DOCK3: variants seen among roughly 807,000 people sequenced by gnomAD.
DOCK3 encodes the protein dedicator of cytokinesis protein 3.
Under a neutral mutation model 265.6 loss-of-function variants are expected in DOCK3, and 60 were observed. That is an observed-to-expected ratio of 0.23 (90% CI 0.18 to 0.28). DOCK3 has a LOEUF of 0.28. Among genes scored for constraint, DOCK3 ranks in the 10% least tolerant of loss-of-function variants. The pLI, the probability that DOCK3 is intolerant of heterozygous loss-of-function variation, is 1.00. For missense variants in DOCK3, 1,981 were observed against 2,594.3 expected (o/e 0.76, Z 5.14); for synonymous variants, 881 against 938.0 (o/e 0.94, Z 1.11).
chr3:51,338,795 C>A, intron 36 of DOCK3, 140 bp from the exon 37 acceptor site: 2 of 714,036 alleles, frequency 2.8e-6, no homozygotes, highest in Non-Finnish European at 2.4e-6. Context: ...CTGGCTGGTG[C>A]TTTCTCCTTC....
rs2037969151 is a variant in DOCK3, at chr3:50,728,374, C to T, written c.38-50301C>T. 1.3e-5 allele frequency among the ~76,000 whole-genome samples: 2 copies of T among 151,900 alleles called. 1 individual carries two copies. Among genetic ancestry groups the T allele is most frequent in the African/African-American group, 4.8e-5 (2 of 41,352 alleles). On this transcript the variant is annotated intron_variant, in intron 1 of 52. Transcript: ENST00000266037. ...TGTTAGAAGGAAAGAAAAACTTAAA[C>T]AATCTAAGCTACCCACAAGAGAAAC...
chr3:51,329,700 G>A (rs1393511813), intron 32 of DOCK3, among the ~76,000 whole-genome samples: 1 of 152,170 alleles, frequency 6.6e-6, no homozygotes. Flanking sequence ...TTAGAGTGAG[G>A]ACAAGCTCCC....
At chr3:51,234,081 A>G (rs2078253379) in intron 19 of DOCK3, among the ~76,000 whole-genome samples, 1 of 152,186 alleles carries the variant, frequency 6.6e-6, no homozygotes, top group African/African-American at 2.4e-5. Flanking sequence ...GTTTTCCATA[A>G]TGGCTGTATT....
chr3:50,884,338 G>A (rs1316220564), intron 3 of DOCK3, among the ~76,000 whole-genome samples: 4 of 152,128 alleles, frequency 2.6e-5, no homozygotes, highest in African/African-American at 7.2e-5. Flanking sequence ...TGATTTGCCC[G>A]CCTTGGCCTC....
intron 7 of DOCK3, among the ~76,000 whole-genome samples, chr3:51,081,003 G>GCC (rs1296031471): frequency 1.1e-4 from 17 of 151,444 alleles, no homozygotes; most frequent in Non-Finnish European, 5.9e-5. Context: ...GTGGAGACTT[G>GCC]ATTTTTATAT....
chr3:51,362,800 T>C (rs970099879), intron 49 of DOCK3, 126 bp downstream of exon 49: 51 of 1,370,048 alleles, frequency 3.7e-5, no homozygotes, highest in Non-Finnish European at 4.8e-5. Context: ...TCATTTGTGC[T>C]TTTACCACTA....
chr3:51,287,531 A>G (rs1040730872), intron 27 of DOCK3, among the ~76,000 whole-genome samples: 14 of 152,246 alleles, frequency 9.2e-5, no homozygotes, highest in African/African-American at 2.9e-4. Context: ...CGTGGGTGAC[A>G]GGAAAAGACC....
intron 2 of DOCK3, among the ~76,000 whole-genome samples, chr3:50,823,059 C>A (rs2044538393): frequency 6.6e-6 from 1 of 151,560 alleles, no homozygotes; most frequent in South Asian, 2.1e-4. Flanking sequence ...AAATACTTAA[C>A]ACTATTACTT....
At chr3:50,680,401 A>G (rs894577762) in intron 1 of DOCK3, among the ~76,000 whole-genome samples, 1 of 150,462 alleles carries the variant, frequency 6.6e-6, no homozygotes, top group African/African-American at 2.4e-5. Context: ...TTTAGTAGAG[A>G]CGGGGTTTCA....
chr3:50,969,728 T>G (rs1003057080), intron 5 of DOCK3, among the ~76,000 whole-genome samples: 1 of 152,220 alleles, frequency 6.6e-6, no homozygotes, highest in Non-Finnish European at 1.5e-5. Flanking sequence ...TCATTCATGA[T>G]GAAACTTAGT....
At chr3:51,016,960 T>TGA (rs1553734355) in intron 5 of DOCK3, among the ~76,000 whole-genome samples, 3 of 106,904 alleles carry the variant, frequency 2.8e-5, no homozygotes, top group Non-Finnish European at 5.4e-5. Flanking sequence ...AATATATATA[T>TGA]TATATATATA....
chr3:50,784,015 C>T (rs996175619), intron 2 of DOCK3, among the ~76,000 whole-genome samples: 3 of 151,982 alleles, frequency 2.0e-5, no homozygotes, highest in Non-Finnish European at 4.4e-5. Context: ...TTACAGGTGC[C>T]TGCCACCACG....
chr3:51,381,409 C>T lies in DOCK3; in HGVS notation c.5943C>T (p.Arg1981=). The T allele has an allele frequency of 1.2e-6, 2 of 1,612,328 alleles. No individual in the cohort carries two copies. Among genetic ancestry groups the T allele is most frequent in the Non-Finnish European group, 1.7e-6 (2 of 1,179,638 alleles). ...TGCCGCCCAAGCCCTACCACCCCCGCCTGCCGGCCCTGGAGCACGATGAGG... is the reference window on the plus strand; with the variant it reads ...TGCCGCCCAAGCCCTACCACCCCCGTCTGCCGGCCCTGGAGCACGATGAGG... ...PALPPKPYHP[R]LPALEHDEGV... is the part of the protein sequence containing the mutation. The change falls in exon 53 of 53, where the codon CGC becomes CGT. Residue 1981 remains arginine (R), a synonymous_variant. Coordinates refer to ENST00000266037, the MANE Select transcript of DOCK3 (RefSeq NM_004947.5). The surrounding 1 kb of genome is among the most constrained non-coding windows in gnomAD (Gnocchi z 5.6).
At chr3:51,054,123 A>T (rs1017349957) in intron 5 of DOCK3, among the ~76,000 whole-genome samples, 2 of 9,332 alleles carry the variant, frequency 2.1e-4, no homozygotes, top group East Asian at 0.023. Flanking sequence ...TAGCTTCCTA[A>T]AAAAAAAAAA....
chr3:51,379,847 G>A (rs782389197), intron 51 of DOCK3, among the ~76,000 whole-genome samples: 20 of 152,232 alleles, frequency 1.3e-4, no homozygotes, highest in Non-Finnish European at 1.9e-4. Context: ...CTGTCTCATC[G>A]CCTAGCAGTG....
intron 2 of DOCK3, among the ~76,000 whole-genome samples, chr3:50,802,313 G>A (rs899343558): frequency 1.3e-5 from 2 of 151,912 alleles, no homozygotes; most frequent in Non-Finnish European, 2.9e-5. Flanking sequence ...CATTGATAAG[G>A]TTTTATTTGT....
chr3:50,826,573 C>G (rs2044768235), intron 2 of DOCK3, among the ~76,000 whole-genome samples: 1 of 152,206 alleles, frequency 6.6e-6, no homozygotes, highest in Admixed American at 6.5e-5. Context: ...CCACATTTCA[C>G]TATCTCCCAT....
At chr3:50,974,315 T>C (rs960946912) in intron 5 of DOCK3, among the ~76,000 whole-genome samples, 11 of 151,870 alleles carry the variant, frequency 7.2e-5, no homozygotes, top group Admixed American at 6.6e-5. Flanking sequence ...TTGATTTTTG[T>C]ATAAGGTGTA....
intron 27 of DOCK3, among the ~76,000 whole-genome samples, chr3:51,301,791 A>C (rs781642412): frequency 9.9e-5 from 15 of 152,126 alleles, no homozygotes. Flanking sequence ...CTGTGTTCTG[A>C]GATCCTGTTT....
Sources: allele counts gnomAD v4.1 joint callset (sites outside exome capture counted in the v4.1 genomes callset), GRCh38; gene constraint gnomAD v4.1.1; non-coding constraint Gnocchi (gnomAD v3.1); transcripts MANE v1.5; gene names NCBI Gene and HGNC (gene_info 2026-07-23, HGNC 2026-07-21).